LRRTM4: variants seen among roughly 807,000 people sequenced by gnomAD.
LRRTM4 encodes the protein leucine rich repeat transmembrane neuronal 4.
Under a neutral mutation model 47.6 loss-of-function variants are expected in LRRTM4, and 25 were observed. That is an observed-to-expected ratio of 0.53 (90% CI 0.38 to 0.73). LRRTM4 has a LOEUF of 0.73. Among genes scored for constraint, LRRTM4 ranks in the 30% least tolerant of loss-of-function variants. The probability of loss-of-function intolerance (pLI) is 0.00; values close to 1 mark genes in which losing one functional copy is unlikely to be tolerated. For synonymous variants in LRRTM4, 311 were observed against 269.5 expected (o/e 1.15, Z -1.51); for missense variants, 638 against 713.4 (o/e 0.89, Z 1.20).
intron 3 of LRRTM4, among the ~76,000 whole-genome samples, chr2:77,029,825 A>G (rs1438931439): frequency 6.6e-6 from 1 of 152,202 alleles, no homozygotes; most frequent in Non-Finnish European, 1.5e-5. Context: ...ACCCTGACAC[A>G]TCAGAAAAGG....
chr2:76,887,443 T>A (rs1309880726), intron 3 of LRRTM4, among the ~76,000 whole-genome samples: 1 of 151,194 alleles, frequency 6.6e-6, no homozygotes, highest in African/African-American at 2.4e-5. Flanking sequence ...CACCAATCAA[T>A]ATCAGCAATA....
At chr2:77,145,705 C>T (rs569623658) in intron 3 of LRRTM4, among the ~76,000 whole-genome samples, 16 of 151,712 alleles carry the variant, frequency 1.1e-4, no homozygotes, top group African/African-American at 3.1e-4. Flanking sequence ...ACCCGGGAGG[C>T]GGAGCTTGCA....
At chr2:76,914,576 C>A (rs1674181829) in intron 3 of LRRTM4, among the ~76,000 whole-genome samples, 1 of 152,074 alleles carries the variant, frequency 6.6e-6, no homozygotes, top group African/African-American at 2.4e-5. Context: ...ATTGTGTCAA[C>A]TTAAAAAGCT....
At position 77,061,595 on chromosome 2, in the gene LRRTM4, A is replaced by G. The variant is rs1209486369; in HGVS notation, c.1552-312679T>C. On this transcript the variant is annotated intron_variant, in intron 3 of 3. Transcript: ENST00000409884. Reference sequence around the variant, plus strand: ...GTGGGGGCCAGATTAGCAAGATTAAACACTGCTTTTTGGTTGCAGCATTGC... The same window carrying G: ...GTGGGGGCCAGATTAGCAAGATTAAGCACTGCTTTTTGGTTGCAGCATTGC... Among the ~76,000 whole-genome samples, 4 of 152,142 alleles carry G rather than the reference A, an allele frequency of 2.6e-5. No individual in the cohort carries two copies. The East Asian group carries it at 7.7e-4, about 29-fold the overall frequency.
intron 3 of LRRTM4, among the ~76,000 whole-genome samples, chr2:76,913,905 G>A (rs1414851769): frequency 1.3e-5 from 2 of 151,966 alleles, no homozygotes; most frequent in African/African-American, 2.4e-5. Context: ...CATAGTGATA[G>A]GAAACTTCCC....
intron 3 of LRRTM4, among the ~76,000 whole-genome samples, chr2:77,444,453 G>A (rs767782357): frequency 2.6e-5 from 4 of 152,126 alleles, no homozygotes; most frequent in Middle Eastern, 3.4e-3. Flanking sequence ...AAAGAATAAC[G>A]TGGAAGGACA....
intron 3 of LRRTM4, among the ~76,000 whole-genome samples, chr2:77,474,260 T>C (rs1374291434): frequency 4.6e-5 from 7 of 152,008 alleles, no homozygotes; most frequent in African/African-American, 1.7e-4. Context: ...AGGAGGATAA[T>C]GGCTGATAGA....
chr2:77,221,481 C>T (rs935318368), intron 3 of LRRTM4, among the ~76,000 whole-genome samples: 33 of 152,110 alleles, frequency 2.2e-4, no homozygotes, highest in Admixed American at 1.3e-3. Flanking sequence ...CAGAGACACA[C>T]ATAGGCTCAA....
At chr2:77,490,206 C>T (rs2104042918) in intron 3 of LRRTM4, among the ~76,000 whole-genome samples, 1 of 151,900 alleles carries the variant, frequency 6.6e-6, no homozygotes, top group Non-Finnish European at 1.5e-5. Context: ...GCCGAGACCG[C>T]ACCACTGCAC....
chr2:77,036,717 G>T (rs190935297), intron 3 of LRRTM4, among the ~76,000 whole-genome samples: 3 of 151,712 alleles, frequency 2.0e-5, no homozygotes, highest in Non-Finnish European at 4.4e-5. Flanking sequence ...TAGTTAGCTT[G>T]GCTCTTGGCT....
rs75720408 is a variant in LRRTM4 at position 77,135,836 on chromosome 2, G to T, written c.1551+382482C>A. Among the ~76,000 whole-genome samples, 1,100 of 152,112 alleles carry T rather than the reference G, an allele frequency of 7.2e-3. 11 individuals carry two copies. The highest frequency in any genetic ancestry group is 0.026 in the African/African-American group (1,060 of 41,492). ...ACAAGGAAATATATAGCAATTCAATGTAAGAAGAATGTAATAAGTAAAATG... is the reference window on the plus strand; with the variant it reads ...ACAAGGAAATATATAGCAATTCAATTTAAGAAGAATGTAATAAGTAAAATG... On this transcript the variant is annotated intron_variant, in intron 3 of 3. Transcript: ENST00000409884.
intron 3 of LRRTM4, among the ~76,000 whole-genome samples, chr2:77,514,493 A>C (rs1679136875): frequency 1.3e-5 from 2 of 152,090 alleles, no homozygotes; most frequent in African/African-American, 2.4e-5. Context: ...ACTGAAAACC[A>C]GTATATTTTT....
rs866131542 is a variant in LRRTM4 at position 77,350,283 on chromosome 2, G to A, written c.1551+168035C>T. Among the ~76,000 whole-genome samples, 66 of 122,692 alleles carry A rather than the reference G, an allele frequency of 5.4e-4. 1 individual carries two copies. In the South Asian group the frequency reaches 0.017, roughly 32 times the overall value. The allele number at this position is 122,692 out of a possible 152,430, so 80.5% of individuals were successfully genotyped here. On this transcript the variant is annotated intron_variant, in intron 3 of 3. Coordinates refer to ENST00000409884, the MANE Select transcript of LRRTM4 (RefSeq NM_001134745.3). ...GGAGCTTGCAGTGAGCCGAGATTGCGCCACTGCAGTCCGCAGTCCGGCCTG... is the reference window on the plus strand; with the variant it reads ...GGAGCTTGCAGTGAGCCGAGATTGCACCACTGCAGTCCGCAGTCCGGCCTG...
chr2:77,262,922 TAG>T (rs1573162999), intron 3 of LRRTM4, among the ~76,000 whole-genome samples: 2 of 152,208 alleles, frequency 1.3e-5, no homozygotes, highest in South Asian at 2.1e-4. Context: ...TCAACCATAC[TAG>T]AGTTTATATC....
At chr2:77,222,384 C>CA (rs780170618) in intron 3 of LRRTM4, among the ~76,000 whole-genome samples, 3 of 151,982 alleles carry the variant, frequency 2.0e-5, no homozygotes, top group African/African-American at 4.8e-5. Context: ...AATAGAGACA[C>CA]AAAAAACCCT....
intron 3 of LRRTM4, among the ~76,000 whole-genome samples, chr2:76,858,471 A>G (rs910117333): frequency 2.6e-5 from 4 of 152,160 alleles, no homozygotes; most frequent in South Asian, 2.1e-4. Context: ...GATTGGAACT[A>G]TAACATCAGC....
At chr2:77,452,814 A>G (rs1676312752) in intron 3 of LRRTM4, among the ~76,000 whole-genome samples, 1 of 152,276 alleles carries the variant, frequency 6.6e-6, no homozygotes, top group Non-Finnish European at 1.5e-5. Flanking sequence ...TTTTTTAGTC[A>G]AGATTTTATA....
chr2:77,278,341 T>G (rs377670186), intron 3 of LRRTM4, among the ~76,000 whole-genome samples: 1 of 152,152 alleles, frequency 6.6e-6, no homozygotes, highest in South Asian at 2.1e-4. Flanking sequence ...AAAAACCAAT[T>G]GTTAAGTTAA....
intron 3 of LRRTM4, among the ~76,000 whole-genome samples, chr2:76,903,976 C>A (rs1673732611): frequency 6.6e-6 from 1 of 152,158 alleles, no homozygotes; most frequent in Non-Finnish European, 1.5e-5. Flanking sequence ...AGTGACTATT[C>A]TTCAACTGTA....
Sources: allele counts gnomAD v4.1 joint callset (sites outside exome capture counted in the v4.1 genomes callset), GRCh38; gene constraint gnomAD v4.1.1; transcripts MANE v1.5; gene names NCBI Gene and HGNC (gene_info 2026-07-23, HGNC 2026-07-21).